Variants in MTG1 observed in about 807,000 individuals in gnomAD.
MTG1 encodes mitochondrial ribosome associated GTPase 1, also known as mitochondrial ribosome-associated GTPase 1.
In MTG1, 30 loss-of-function variants were observed where a neutral mutation model predicts 39.5. That is an observed-to-expected ratio of 0.76 (90% CI 0.57 to 1.03). The LOEUF is 1.03. Among genes scored for constraint, MTG1 ranks in the 50% least tolerant of loss-of-function variants. The pLI, the probability that MTG1 is intolerant of heterozygous loss-of-function variation, is 0.00. For missense variants in MTG1, 513 were observed against 447.4 expected (o/e 1.15, Z -1.32); for synonymous variants, 217 against 179.0 (o/e 1.21, Z -1.69).
intron 1 of MTG1, chr10:133,394,561 G>A (rs937489490): frequency 6.0e-6 from 8 of 1,334,806 alleles, no homozygotes; most frequent in Non-Finnish European, 6.7e-6. Flanking sequence ...CCCCCGCGGC[G>A]CAGCCTCGGA....
At chr10:133,396,546 G>A (rs558078137) in intron 3 of MTG1, among the ~76,000 whole-genome samples, 7 of 152,310 alleles carry the variant, frequency 4.6e-5, no homozygotes, top group African/African-American at 1.4e-4. Context: ...CAGTGAGTGC[G>A]CATTGTGGGC....
In MTG1 at chr10:133,409,973, C is replaced by T. The variant is rs140479023; in HGVS notation, c.752+7200C>T. Among the ~76,000 whole-genome samples the T allele has an allele frequency of 7.9e-3, 1,151 of 145,986 alleles. 10 individuals are homozygous for T. Among genetic ancestry groups the T allele is most frequent in the African/African-American group, 0.027 (1,060 of 39,434 alleles). On this transcript the variant is annotated intron_variant, in intron 9 of 10. Transcript: ENST00000317502. ...CCTTTGACTTTCAGTCTGCGTATGTCTTTATAGGTAAAGTCGGTTTCTTAT... is the reference window on the plus strand; with the variant it reads ...CCTTTGACTTTCAGTCTGCGTATGTTTTTATAGGTAAAGTCGGTTTCTTAT...
intron 4 of MTG1, among the ~76,000 whole-genome samples, chr10:133,398,964 G>C (rs1042297411): frequency 1.3e-5 from 2 of 152,136 alleles, no homozygotes; most frequent in East Asian, 3.8e-4. Context: ...CCGGATACTT[G>C]GTGTGCTACC....
chr10:133,418,542 G>A (rs1423511027), intron 9 of MTG1, among the ~76,000 whole-genome samples: 1 of 152,050 alleles, frequency 6.6e-6, no homozygotes, highest in East Asian at 1.9e-4. Context: ...CTGATTCAGA[G>A]CTCATGCTTG....
At chr10:133,408,000 T>A (rs1013834783) in intron 9 of MTG1, among the ~76,000 whole-genome samples, 14 of 152,254 alleles carry the variant, frequency 9.2e-5, no homozygotes, top group African/African-American at 3.4e-4. Context: ...AATATAAGAT[T>A]GTCATCTGTG....
At chr10:133,396,360 T>A in intron 3 of MTG1, 93 bp downstream of exon 3, 2 of 1,110,414 alleles carry the variant, frequency 1.8e-6, no homozygotes, top group Non-Finnish European at 2.7e-6. Flanking sequence ...CGCACACTTG[T>A]CAGTTTGCCC....
At chr10:133,418,233 C>T (rs892180298) in intron 9 of MTG1, among the ~76,000 whole-genome samples, 2 of 152,228 alleles carry the variant, frequency 1.3e-5, no homozygotes, top group Admixed American at 6.5e-5. Flanking sequence ...TGTCGAACTC[C>T]TGACCTCAAG....
chr10:133,414,769 C>T (rs1850097237), intron 9 of MTG1, among the ~76,000 whole-genome samples: 2 of 152,252 alleles, frequency 1.3e-5, no homozygotes, highest in South Asian at 4.1e-4. Context: ...GGGGTGGCGG[C>T]CGGGCAGAGG....
At chr10:133,418,230 C>G (rs564884655) in intron 9 of MTG1, among the ~76,000 whole-genome samples, 15 of 152,366 alleles carry the variant, frequency 9.8e-5, no homozygotes, top group Admixed American at 2.0e-4. Context: ...TGGTGTCGAA[C>G]TCCTGACCTC....
chr10:133,396,403 T>C, intron 3 of MTG1, 136 bp downstream of exon 3: 1 of 740,930 alleles, frequency 1.3e-6, no homozygotes, highest in Non-Finnish European at 2.3e-6. Flanking sequence ...AGCCCTTTGC[T>C]TTGCAGAAGC....
At chr10:133,399,028 G>C in intron 4 of MTG1, 142 bp from the exon 5 acceptor site, 1 of 887,824 alleles carries the variant, frequency 1.1e-6, no homozygotes, top group East Asian at 2.6e-5. Context: ...TAGAATTCCA[G>C]ATAGGAGGTT....
At chr10:133,395,191 C>G (rs901055696) in intron 1 of MTG1, among the ~76,000 whole-genome samples, 2 of 152,106 alleles carry the variant, frequency 1.3e-5, no homozygotes, top group South Asian at 2.1e-4. Flanking sequence ...GTCAGGACAT[C>G]GAGACTATCC....
intron 6 of MTG1, among the ~76,000 whole-genome samples, chr10:133,400,975 T>G (rs7079397): frequency 6.6e-6 from 1 of 152,244 alleles, no homozygotes. Context: ...ACATCCTGTC[T>G]TGTCCATTCA....
At chr10:133,410,190 G>A (rs918703149) in intron 9 of MTG1, among the ~76,000 whole-genome samples, 2 of 152,020 alleles carry the variant, frequency 1.3e-5, no homozygotes, top group South Asian at 2.1e-4. Context: ...GACTACAGGC[G>A]TGTGCCACCA....
rs1283569076 is a variant in MTG1 at position 133,420,526 on chromosome 10, T to C, written c.*361T>C. 1 of 213,296 alleles carries C rather than the reference T, an allele frequency of 4.7e-6. No homozygotes were observed. The highest frequency in any genetic ancestry group is 9.2e-6 in the Non-Finnish European group (1 of 108,752). 13.2% of individuals were successfully genotyped at this position (213,296 alleles called of 1,614,324 possible). ...GCCTGTTTCTTACTGGCCTGTGAGG[T>C]GCACCGTAGTGCCTTGGGCCTGTGT... On this transcript the variant is annotated 3_prime_UTR_variant, in exon 11 of 11. Transcript: ENST00000317502.
At position 133,402,735 on chromosome 10, in the gene MTG1, C is replaced by T; in HGVS notation, c.714C>T (p.Asp238=). The T allele has an allele frequency of 6.2e-7, 1 of 1,608,762 alleles. No individual in the cohort carries two copies. The highest frequency in any genetic ancestry group is 8.5e-7 in the Non-Finnish European group (1 of 1,177,906). The part of the protein sequence containing the change: ...DHLVGEETMA[D]YLLYTLNKHQ... ...TGGTCGGGGAGGAGACCATGGCTGA[C>T]TACCTGCTGTACACCCTCAACAAAC... Residue 238 remains aspartate (D), a synonymous_variant, in exon 9 of 11, where the codon GAC becomes GAT. Coordinates refer to ENST00000317502, the MANE Select transcript of MTG1 (RefSeq NM_138384.4). This position sits in a 1 kb window ranked among gnomAD's most constrained non-coding sequence, Gnocchi z 4.7.
chr10:133,398,383 G>C, intron 3 of MTG1, 52 bp from the exon 4 acceptor site: 1 of 1,576,796 alleles, frequency 6.3e-7, no homozygotes, highest in Non-Finnish European at 8.7e-7. Flanking sequence ...CTGGGTGACA[G>C]AGCCAAGACT....
intron 3 of MTG1, among the ~76,000 whole-genome samples, chr10:133,397,897 C>T (rs1210336953): frequency 6.6e-6 from 1 of 151,670 alleles, no homozygotes; most frequent in African/African-American, 2.4e-5. Context: ...GGGTGGCCGT[C>T]TAGTATAGGG....
At chr10:133,418,288 T>C (rs1303273714) in intron 9 of MTG1, among the ~76,000 whole-genome samples, 1 of 152,258 alleles carries the variant, frequency 6.6e-6, no homozygotes, top group African/African-American at 2.4e-5. Flanking sequence ...ATTACAGGCG[T>C]GAGCCACCAT....
Sources: gnomAD v4.1 joint callset for allele counts (sites outside exome capture counted in the v4.1 genomes callset) on GRCh38, gnomAD v4.1.1 for gene constraint, Gnocchi (gnomAD v3.1) non-coding constraint, MANE v1.5 for transcripts, NCBI Gene and HGNC (gene_info 2026-07-23, HGNC 2026-07-21) for gene names.